Variants in TGM1 observed in about 807,000 individuals in gnomAD.
TGM1 encodes protein-glutamine gamma-glutamyltransferase K.
In TGM1, 63 loss-of-function variants were observed where a neutral mutation model predicts 88.7. The ratio of observed to expected loss-of-function variants is 0.71; its 90% confidence interval spans 0.58 to 0.88. TGM1 has a LOEUF of 0.88. Ranked by LOEUF, TGM1 falls within the 40% of genes least tolerant of loss-of-function variation. The pLI is 0.00. For missense variants in TGM1, 996 were observed against 1,118.0 expected (o/e 0.89, Z 1.56); for synonymous variants, 415 against 431.1 (o/e 0.96, Z 0.46).
Position 24,249,200 on chromosome 14 carries a change from GGGAGCCCTGGACTCCCC to G in TGM1, c.*96_*112del. 1 of 769,340 alleles carries G rather than the reference GGGAGCCCTGGACTCCCC, an allele frequency of 1.3e-6. No individual in the cohort carries two copies. The highest frequency in any genetic ancestry group is 2.0e-5 in the Admixed American group (1 of 50,338). The allele number at this position is 769,340 out of a possible 1,614,324, so 47.7% of individuals were successfully genotyped here. ...TCCGGGAGCCCTGGACTCCCCCTCC[GGGAGCCCTGGACTCCCC>G]ACCTGAGCTCCTGGGGAGCTGCTCT... On this transcript the variant is annotated 3_prime_UTR_variant, in exon 15 of 15. Coordinates refer to ENST00000206765, the MANE Select transcript of TGM1 (RefSeq NM_000359.3).
intron 4 of TGM1, 80 bp downstream of exon 4, chr14:24,260,370 C>T: frequency 1.3e-6 from 2 of 1,591,122 alleles, no homozygotes; most frequent in Non-Finnish European, 1.7e-6. Flanking sequence ...CACCTAGGCA[C>T]CCCGCCACAT....
intron 2 of TGM1, 49 bp from the exon 3 acceptor site, chr14:24,261,932 C>A: frequency 5.6e-6 from 9 of 1,610,504 alleles, no homozygotes; most frequent in Non-Finnish European, 7.6e-6. Flanking sequence ...GGAGCCCAGG[C>A]CCTTATCATT....
chr14:24,259,260 C>A lies in TGM1; in HGVS notation c.985-11G>T. 1 of 1,609,466 alleles carries A rather than the reference C, an allele frequency of 6.2e-7. No homozygotes were observed. The highest frequency in any genetic ancestry group is 8.5e-7 in the Non-Finnish European group (1 of 1,177,886). On this transcript the variant is annotated splice_polypyrimidine_tract_variant and intron_variant, in intron 6 of 14. Transcript: ENST00000206765. The surrounding 1 kb of genome is among the most constrained non-coding windows in gnomAD (Gnocchi z 5.7). Reference sequence around the variant, plus strand: ...ATCCAGGGAGTTCACCTGCCCAGGACAGGATGAGATAGGGCGGAGGTGGAG... The same window carrying A: ...ATCCAGGGAGTTCACCTGCCCAGGAAAGGATGAGATAGGGCGGAGGTGGAG...
Position 24,260,633 on chromosome 14 carries a change from C to T in TGM1, c.574G>A (p.Gly192Ser), listed in dbSNP as rs765874994. 12 of 1,614,080 alleles carry T rather than the reference C, an allele frequency of 7.4e-6. No individual in the cohort carries two copies. In the East Asian group the frequency reaches 2.7e-4, roughly 36 times the overall value. ...IIPVGKGGSG[G>S]WKAQVVKASG... ...GCCTTGACCACCTGGGCTTTCCAGC[C>T]TCCACTGCCCCCCTTGCCCACTGGG... The change falls in exon 4 of 15, where the codon GGC (glycine) becomes AGC (serine). Residue 192 changes from glycine to serine, a missense_variant. By Grantham distance (56) the Gly-to-Ser change is moderately conservative. Coordinates refer to ENST00000206765, the MANE Select transcript of TGM1 (RefSeq NM_000359.3).
intron 3 of TGM1, 90 bp from the exon 4 acceptor site, chr14:24,260,788 G>A (rs1395371355): frequency 1.9e-6 from 3 of 1,560,480 alleles, no homozygotes; most frequent in Admixed American, 1.7e-5. Context: ...CCCACAATGT[G>A]TATGAGCCAC....
chr14:24,254,763 C>A lies in TGM1; in HGVS notation c.1989G>T (p.Gly663=). ...KEYRPHLVDQ[G]AMLLNVSGHV... is the part of the protein sequence containing the mutation. ...GGCCTGAGACATTGAGCAGCATGGC[C>A]CCCTGGTCCACAAGATGGGGCCGGT... is the stretch of plus-strand genomic sequence containing the variant. Residue 663 remains glycine (G), a synonymous_variant, in exon 13 of 15, where the codon GGG becomes GGT. Transcript: ENST00000206765. 1 of 1,614,036 alleles carries A rather than the reference C, an allele frequency of 6.2e-7. No homozygotes were observed. The highest frequency in any genetic ancestry group is 8.5e-7 in the Non-Finnish European group (1 of 1,180,030).
chr14:24,249,328 A>G lies in TGM1; in HGVS notation c.2439T>C (p.Ser813=), dbSNP rs778402369. 95 of 1,613,438 alleles carry G rather than the reference A, an allele frequency of 5.9e-5. No homozygotes were observed. The highest frequency in any genetic ancestry group is 7.7e-5 in the Non-Finnish European group (91 of 1,179,970). The part of the protein sequence containing the change: ...SHLGETIPMA[S]RGGA ...TGGCACGGGGCTAAGCTCCACCTCG[A>G]GATGCCATAGGGATGGTCTCTCCTA... Residue 813 remains serine (S), a synonymous_variant, in exon 15 of 15, where the codon TCT becomes TCC. Coordinates refer to ENST00000206765, the MANE Select transcript of TGM1 (RefSeq NM_000359.3).
chr14:24,259,926 C>T lies in TGM1; in HGVS notation c.876+14G>A, dbSNP rs750257316. The stretch of plus-strand genomic sequence containing the variant: ...TCCTCTGGGTGTATGTGACCCTGGC[C>T]AGCCGCACCATACCTGGCCGTAGTT... On this transcript the variant is annotated intron_variant, in intron 5 of 14. Coordinates refer to ENST00000206765, the MANE Select transcript of TGM1 (RefSeq NM_000359.3). This position sits in a 1 kb window ranked among gnomAD's most constrained non-coding sequence, Gnocchi z 5.7. 1 of 1,613,838 alleles carries T rather than the reference C, an allele frequency of 6.2e-7. No homozygotes were observed. The highest frequency in any genetic ancestry group is 1.7e-5 in the Admixed American group (1 of 60,034).
chr14:24,253,072 T>C (rs1194390324), intron 14 of TGM1, among the ~76,000 whole-genome samples: 1 of 152,200 alleles, frequency 6.6e-6, no homozygotes, highest in African/African-American at 2.4e-5. Flanking sequence ...CTGGAACTGC[T>C]ACTTGGCCCT....
intron 3 of TGM1, 50 bp from the exon 4 acceptor site, chr14:24,260,748 G>T: frequency 2.5e-6 from 4 of 1,613,282 alleles, no homozygotes; most frequent in Non-Finnish European, 3.4e-6. Context: ...TGAGGAGAGG[G>T]GATGGAGCCT....
rs1279774123 is a variant in TGM1, at chr14:24,262,126, C to T, written c.227G>A (p.Gly76Asp). 3.7e-6 allele frequency: 6 copies of T among 1,613,524 alleles called. No individual in the cohort carries two copies. The highest frequency in any genetic ancestry group is 8.5e-7 in the Non-Finnish European group (1 of 1,180,044). ...SDSRGRGSSSGTRRPGSRGSD... is the reference protein window; with the variant it reads ...SDSRGRGSSSDTRRPGSRGSD... ...GCCCCGGGAGCCAGGTCTTCGAGTG[C>T]CAGAGCTGGACCCTCGACCCCTGGA... Residue 76 changes from glycine (G) to aspartate (D), a missense_variant, in exon 2 of 15, where the codon GGC becomes GAC. By Grantham distance (94) the Gly-to-Asp change is moderately conservative. Coordinates refer to ENST00000206765, the MANE Select transcript of TGM1 (RefSeq NM_000359.3).
rs747452503 is a variant in TGM1, at chr14:24,258,604, G to T, written c.1229C>A (p.Ser410Tyr). 2 of 1,614,238 alleles carry T rather than the reference G, an allele frequency of 1.2e-6. No homozygotes were observed. The highest frequency in any genetic ancestry group is 2.2e-5 in the East Asian group (1 of 44,888). Reference sequence around the variant, plus strand: ...GTCGAAGTAGATGTCCATGGTAAGGGATGTGTCTGTGTCGTGGGCGGAGTT... The same window carrying T: ...GTCGAAGTAGATGTCCATGGTAAGGTATGTGTCTGTGTCGTGGGCGGAGTT... The part of the protein sequence containing the change: ...NFNSAHDTDT[S>Y]LTMDIYFDEN... Residue 410 changes from serine (S) to tyrosine (Y), a missense_variant, in exon 8 of 15, where the codon TCC becomes TAC. Ser to Tyr is a moderately radical substitution (Grantham distance 144, BLOSUM62 -2). Coordinates refer to ENST00000206765, the MANE Select transcript of TGM1 (RefSeq NM_000359.3).
Position 24,256,076 on chromosome 14 carries a change from G to A in TGM1, c.1404C>T (p.Gly468=). 1 of 1,562,770 alleles carries A rather than the reference G, an allele frequency of 6.4e-7. No individual in the cohort carries two copies. Among genetic ancestry groups the A allele is most frequent in the African/African-American group, 1.4e-5 (1 of 73,736 alleles). Residue 468 remains glycine, a splice_region_variant and synonymous_variant, in exon 10 of 15, where the codon GGC becomes GGT. Coordinates refer to ENST00000206765, the MANE Select transcript of TGM1 (RefSeq NM_000359.3). The stretch of plus-strand genomic sequence containing the variant: ...CAGAGCAGGGGCCGCAGCAGAAGAT[G>A]CCTAGAGAGTGAGGCGGGACAGAGG... ...VDATPQETSS[G]IFCCGPCSVE...
Position 24,259,613 on chromosome 14 carries a change from T to A in TGM1, c.984+91A>T, listed in dbSNP as rs1286009861. ...GGGCAGGGACAGGGCTGGGGGTTCTTGAGGAATCCAGAAAGGGCAGGAGGA... is the reference window on the plus strand; with the variant it reads ...GGGCAGGGACAGGGCTGGGGGTTCTAGAGGAATCCAGAAAGGGCAGGAGGA... On this transcript the variant is annotated intron_variant, in intron 6 of 14. Transcript: ENST00000206765. This position sits in a 1 kb window ranked among gnomAD's most constrained non-coding sequence, Gnocchi z 5.7. 4.5e-6 allele frequency: 5 copies of A among 1,116,594 alleles called. No homozygotes were observed. The East Asian group carries it at 1.3e-4, about 28-fold the overall frequency. The allele number at this position is 1,116,594 out of a possible 1,614,324, so 69.2% of individuals were successfully genotyped here. A position where few individuals can be genotyped will look rare whatever the true frequency, so the allele number is the denominator to read the frequency against.
In TGM1 at chr14:24,261,818, G is replaced by A; in HGVS notation, c.385C>T (p.His129Tyr). ...SSRSDQNRREHHTDEYEYDEL... is the reference protein window; with the variant it reads ...SSRSDQNRREYHTDEYEYDEL... ...TCGTACTCATACTCGTCTGTGTGGTGCTCTCGGCGGTTCTGGTCCGAGCGC... is the reference window on the plus strand; with the variant it reads ...TCGTACTCATACTCGTCTGTGTGGTACTCTCGGCGGTTCTGGTCCGAGCGC... Residue 129 changes from histidine (H) to tyrosine (Y), a missense_variant, in exon 3 of 15, where the codon CAC (histidine) becomes TAC (tyrosine). Transcript: ENST00000206765. The A allele has an allele frequency of 6.2e-7, 1 of 1,614,090 alleles. No homozygotes were observed. The highest frequency in any genetic ancestry group is 1.3e-5 in the African/African-American group (1 of 75,026).
chr14:24,251,890 G>A (rs920737160), intron 14 of TGM1, among the ~76,000 whole-genome samples: 2 of 152,182 alleles, frequency 1.3e-5, no homozygotes, highest in African/African-American at 4.8e-5. Context: ...CTACCCCTAA[G>A]AAGGCAGACT....
intron 3 of TGM1, among the ~76,000 whole-genome samples, 180 bp downstream of exon 3, chr14:24,261,515 C>T (rs2040808318): frequency 6.6e-6 from 1 of 152,108 alleles, no homozygotes; most frequent in Non-Finnish European, 1.5e-5. Flanking sequence ...GGAAAAACTG[C>T]AACACCAAGA....
rs555426467 is a variant in TGM1, at chr14:24,256,094, G to A, written c.1403-17C>T. 39 of 1,550,008 alleles carry A rather than the reference G, an allele frequency of 2.5e-5. No individual in the cohort carries two copies. The South Asian group carries it at 4.2e-4, about 17-fold the overall frequency. On this transcript the variant is annotated splice_polypyrimidine_tract_variant and intron_variant, in intron 9 of 14. Transcript: ENST00000206765. Reference sequence around the variant, plus strand: ...AGAAGATGCCTAGAGAGTGAGGCGGGACAGAGGCAAGAGATCTGAGAAGGC... The same window carrying A: ...AGAAGATGCCTAGAGAGTGAGGCGGAACAGAGGCAAGAGATCTGAGAAGGC...
Position 24,255,506 on chromosome 14 carries a change from G to A in TGM1, c.1503C>T (p.Asp501=). 2 of 1,613,474 alleles carry A rather than the reference G, an allele frequency of 1.2e-6. No individual in the cohort carries two copies. Among genetic ancestry groups the A allele is most frequent in the Non-Finnish European group, 1.7e-6 (2 of 1,180,040 alleles). The change falls in exon 11 of 15, where the codon GAC becomes GAT. Residue 501 remains aspartate (D), a synonymous_variant. Coordinates refer to ENST00000206765, the MANE Select transcript of TGM1 (RefSeq NM_000359.3). This position sits in a 1 kb window ranked among gnomAD's most constrained non-coding sequence, Gnocchi z 4.0. Reference sequence around the variant, plus strand: ...CATCCTGCCGCTGCCAGTACACCTTGTCACTATTCACCTGTGGGGGGTGGG... The same window carrying A: ...CATCCTGCCGCTGCCAGTACACCTTATCACTATTCACCTGTGGGGGGTGGG... ...TPFIFAEVNS[D]KVYWQRQDDG... is the part of the protein sequence containing the mutation.
Sources: allele counts gnomAD v4.1 joint callset (sites outside exome capture counted in the v4.1 genomes callset), GRCh38; gene constraint gnomAD v4.1.1; non-coding constraint Gnocchi (gnomAD v3.1); transcripts MANE v1.5; gene names NCBI Gene and HGNC (gene_info 2026-07-23, HGNC 2026-07-21).